TMTC2: variants seen among roughly 807,000 people sequenced by gnomAD.
The protein encoded by TMTC2 is transmembrane O-mannosyltransferase targeting cadherins 2.
A neutral mutation model predicts 82.4 loss-of-function variants in TMTC2; 43 were observed. That is an observed-to-expected ratio of 0.52 (90% confidence interval 0.41 to 0.67). The LOEUF is 0.67. TMTC2 is among the 30% of genes least tolerant of loss of function. TMTC2 has a pLI of 0.00. For missense variants in TMTC2, 919 were observed against 1,012.4 expected, an observed-to-expected ratio of 0.91 and a Z score of 1.25; for synonymous variants, 408 against 381.9, an observed-to-expected ratio of 1.07 and a Z score of -0.80.
chr12:82,970,418 G>A (rs1038137036), intron 7 of TMTC2, among the ~76,000 whole-genome samples: 1 of 151,996 alleles, frequency 6.6e-6, no homozygotes, highest in Non-Finnish European at 1.5e-5. Flanking sequence ...TGCAAGCTCC[G>A]CTTCCCGGGT....
intron 11 of TMTC2, among the ~76,000 whole-genome samples, chr12:83,062,113 G>A (rs1171233584): frequency 6.6e-6 from 1 of 151,628 alleles, no homozygotes; most frequent in Non-Finnish European, 1.5e-5. Flanking sequence ...ACCGGCTTTG[G>A]CATCACTCTA....
intron 1 of TMTC2, among the ~76,000 whole-genome samples, chr12:82,705,363 C>T (rs1438927566): frequency 6.6e-6 from 1 of 152,096 alleles, no homozygotes; most frequent in Non-Finnish European, 1.5e-5. Flanking sequence ...GAAAATTGTC[C>T]TTATATACAT....
intron 1 of TMTC2, among the ~76,000 whole-genome samples, chr12:82,771,791 G>A (rs1432293829): frequency 6.6e-6 from 1 of 152,090 alleles, no homozygotes; most frequent in Non-Finnish European, 1.5e-5. Context: ...TATCTAGGAT[G>A]TGTACCAAAG....
chr12:83,001,522 C>G (rs1361729981), intron 8 of TMTC2, among the ~76,000 whole-genome samples: 2 of 151,044 alleles, frequency 1.3e-5, no homozygotes, highest in Non-Finnish European at 2.9e-5. Context: ...GTAATCTCAG[C>G]TACTTGGGAG....
intron 1 of TMTC2, among the ~76,000 whole-genome samples, chr12:82,816,409 C>T (rs1432076835): frequency 6.6e-6 from 1 of 151,940 alleles, no homozygotes; most frequent in African/African-American, 2.4e-5. Flanking sequence ...AAATGGGCTC[C>T]GTTAACACTT....
rs144816856 is a variant in TMTC2 at position 82,901,893 on chromosome 12, T to C, written c.1483+5247T>C. Among the ~76,000 whole-genome samples, 411 of 152,226 alleles carry C rather than the reference T, an allele frequency of 2.7e-3. 2 individuals are homozygous for C. The highest frequency in any genetic ancestry group is 9.3e-3 in the African/African-American group (386 of 41,558). ...TATTTCAGCTGTAATCAACTATTAT[T>C]ATACTGCAGCTCTGTTGGTATGGGG... On this transcript the variant is annotated intron_variant, in intron 3 of 11. Transcript: ENST00000321196.
intron 2 of TMTC2, among the ~76,000 whole-genome samples, chr12:82,880,190 T>C (rs1872755879): frequency 6.6e-6 from 1 of 152,202 alleles, no homozygotes; most frequent in Admixed American, 6.5e-5. Flanking sequence ...TCTGGTGTGT[T>C]TCATTTAGGA....
chr12:82,749,776 T>G (rs1273171583), intron 1 of TMTC2, among the ~76,000 whole-genome samples: 1 of 150,884 alleles, frequency 6.6e-6, no homozygotes. Flanking sequence ...CTCGCTTTGT[T>G]GCCTAGGCTG....
At chr12:82,817,377 T>C (rs866697511) in intron 1 of TMTC2, among the ~76,000 whole-genome samples, 8 of 152,302 alleles carry the variant, frequency 5.3e-5, no homozygotes, top group African/African-American at 1.9e-4. Context: ...CCATTTTGTG[T>C]TTATTTTATT....
intron 1 of TMTC2, among the ~76,000 whole-genome samples, chr12:82,720,719 G>A (rs747402937): frequency 2.6e-5 from 4 of 152,124 alleles, no homozygotes; most frequent in South Asian, 2.1e-4. Context: ...TGTCACCAGC[G>A]CTTGTTGTTA....
At chr12:82,827,986 C>T (rs1023036679) in intron 1 of TMTC2, among the ~76,000 whole-genome samples, 9 of 149,478 alleles carry the variant, frequency 6.0e-5, no homozygotes, top group East Asian at 4.0e-4. Flanking sequence ...TCCGCCTCCC[C>T]GGTTTAAACA....
chr12:82,710,769 C>T (rs1483564438), intron 1 of TMTC2, among the ~76,000 whole-genome samples: 3 of 152,146 alleles, frequency 2.0e-5, no homozygotes, highest in Admixed American at 2.0e-4. Context: ...ATTCTGGAAG[C>T]AAGTTAGTGA....
chr12:82,729,281 C>G (rs1874635828), intron 1 of TMTC2, among the ~76,000 whole-genome samples: 1 of 152,184 alleles, frequency 6.6e-6, no homozygotes, highest in Non-Finnish European at 1.5e-5. Flanking sequence ...TTTGTAAACA[C>G]CAATCAGCAC....
At chr12:83,116,321 T>C (rs1884760373) in intron 11 of TMTC2, among the ~76,000 whole-genome samples, 1 of 152,252 alleles carries the variant, frequency 6.6e-6, no homozygotes, top group Admixed American at 6.5e-5. Context: ...CCACAGTTTC[T>C]TTATCCACTC....
chr12:83,008,386 T>G (rs1220111596), intron 8 of TMTC2, among the ~76,000 whole-genome samples: 1 of 152,186 alleles, frequency 6.6e-6, no homozygotes, highest in East Asian at 1.9e-4. Flanking sequence ...CTTTATTCAT[T>G]GCACGTCCAT....
chr12:82,687,698 G>A (rs747985402), intron 1 of TMTC2, 29 bp downstream of exon 1: 12 of 1,583,282 alleles, frequency 7.6e-6, no homozygotes, highest in Non-Finnish European at 9.5e-6. Context: ...GGGGCGACGG[G>A]CTGCAGGGGG....
In TMTC2 at chr12:83,132,125, G is replaced by A. The variant is rs1423398823; in HGVS notation, c.2332-85G>A. The A allele has an allele frequency of 3.4e-6, 5 of 1,456,380 alleles. No individual in the cohort carries two copies. In the African/African-American group the frequency reaches 7.1e-5, roughly 21 times the overall value. 90.2% of individuals were successfully genotyped at this position (1,456,380 alleles called of 1,614,324 possible). ...GCCTCTAGACATAAGGGAATTATTT[G>A]CATAAGTGGATGAAGATTTTTGTTT... On this transcript the variant is annotated intron_variant, in intron 11 of 11. Transcript: ENST00000321196.
chr12:82,809,501 G>A (rs983401346), intron 1 of TMTC2, among the ~76,000 whole-genome samples: 5 of 152,026 alleles, frequency 3.3e-5, no homozygotes, highest in African/African-American at 1.2e-4. Flanking sequence ...CAGGGGAGAT[G>A]GATATTTTGA....
At chr12:82,996,161 T>G (rs1879607208) in intron 8 of TMTC2, among the ~76,000 whole-genome samples, 2 of 152,222 alleles carry the variant, frequency 1.3e-5, no homozygotes, top group Admixed American at 1.3e-4. Context: ...AAAAAAGATT[T>G]AAGTATTTGT....
Sources: gnomAD v4.1 joint callset for allele counts (sites outside exome capture counted in the v4.1 genomes callset) on GRCh38, gnomAD v4.1.1 for gene constraint, MANE v1.5 for transcripts, NCBI Gene and HGNC (gene_info 2026-07-23, HGNC 2026-07-21) for gene names.